NCBP3: variants seen among roughly 807,000 people sequenced by gnomAD.
The protein encoded by NCBP3 is nuclear cap binding subunit 3, also known as nuclear cap-binding protein subunit 3.
Under a neutral mutation model 75.7 loss-of-function variants are expected in NCBP3, and 20 were observed. The ratio of observed to expected loss-of-function variants is 0.26; its 90% CI spans 0.19 to 0.38. The LOEUF is 0.38. NCBP3 is among the 10% of genes least tolerant of loss of function. The pLI is 1.00. For missense variants in NCBP3, 678 were observed against 796.9 expected (o/e 0.85, Z 1.80); for synonymous variants, 293 against 290.5 (o/e 1.01, Z -0.09).
At chr17:3,823,999 A>G (rs1181086355) in intron 7 of NCBP3, 2 of 152,180 alleles carry the variant, frequency 1.3e-5, no homozygotes, top group Non-Finnish European at 2.9e-5. Context: ...ATTCTTGGAA[A>G]ACATGGGAGG....
chr17:3,830,987 C>G lies in NCBP3; in HGVS notation c.356-1619G>C, dbSNP rs2053867928. On this transcript the variant is annotated intron_variant, in intron 3 of 12. Transcript: ENST00000389005. ...AATGCAATGGTGCAATCTCGGCTCA[C>G]TGCAACCTCTGCCTCCCAGGTTCAA... Among the ~76,000 whole-genome samples, 3 of 151,576 alleles carry G rather than the reference C, an allele frequency of 2.0e-5. No homozygotes were observed. In the East Asian group the frequency reaches 5.9e-4, roughly 30 times the overall value.
Position 3,802,387 on chromosome 17 carries a change from C to T in NCBP3, c.*10657G>A, listed in dbSNP as rs1261132069. 1 of 152,182 alleles carries T rather than the reference C, an allele frequency of 6.6e-6. No individual in the cohort carries two copies. Among genetic ancestry groups the T allele is most frequent in the Non-Finnish European group, 1.5e-5 (1 of 68,034 alleles). The allele number at this position is 152,182 out of a possible 1,614,324, so 9.4% of individuals were successfully genotyped here. On this transcript the variant is annotated 3_prime_UTR_variant, in exon 13 of 13. Coordinates refer to ENST00000389005, the MANE Select transcript of NCBP3 (RefSeq NM_001114118.3). Reference sequence around the variant, plus strand: ...GTTCTGTGAAGATCCGATGACATTTCCAACACTTTGCCTTGTCTGCTTTGC... The same window carrying T: ...GTTCTGTGAAGATCCGATGACATTTTCAACACTTTGCCTTGTCTGCTTTGC...
chr17:3,833,668 G>A (rs2053924508), intron 3 of NCBP3, among the ~76,000 whole-genome samples: 2 of 151,762 alleles, frequency 1.3e-5, no homozygotes. Flanking sequence ...GACATCTGAG[G>A]CCAGAAATTT....
intron 7 of NCBP3, among the ~76,000 whole-genome samples, chr17:3,823,464 T>C (rs1305730141): frequency 6.6e-6 from 1 of 152,222 alleles, no homozygotes; most frequent in Non-Finnish European, 1.5e-5. Flanking sequence ...CAGAAGGCTC[T>C]TCCTTAGAGC....
In NCBP3 at chr17:3,806,501, G is replaced by C. The variant is rs1447991835; in HGVS notation, c.*6543C>G. ...AACTATTTACGAACCTGGTCATCCA[G>C]AGAGGGCCCCGGAATTGCTCAAATG... On this transcript the variant is annotated 3_prime_UTR_variant, in exon 13 of 13. Transcript: ENST00000389005. 1 of 152,162 alleles carries C rather than the reference G, an allele frequency of 6.6e-6. No individual in the cohort carries two copies. Among genetic ancestry groups the C allele is most frequent in the Non-Finnish European group, 1.5e-5 (1 of 68,036 alleles). The allele number at this position is 152,162 out of a possible 1,614,324, so 9.4% of individuals were successfully genotyped here.
At chr17:3,833,377 T>A (rs2053918347) in intron 3 of NCBP3, among the ~76,000 whole-genome samples, 1 of 152,204 alleles carries the variant, frequency 6.6e-6, no homozygotes, top group African/African-American at 2.4e-5. Flanking sequence ...CCCAAAGTGT[T>A]GGATTACAGG....
chr17:3,818,030 T>C lies in NCBP3; in HGVS notation c.1310+233A>G, dbSNP rs149957767. On this transcript the variant is annotated intron_variant, in intron 10 of 12. Transcript: ENST00000389005. This position sits in a 1 kb window ranked among gnomAD's most constrained non-coding sequence, Gnocchi z 4.7. ...TTATTCGCCAAATTGCTAACAGTAGTTATTGTTGAGAAAGAATGGGAATAC... is the reference window on the plus strand; with the variant it reads ...TTATTCGCCAAATTGCTAACAGTAGCTATTGTTGAGAAAGAATGGGAATAC... 2.4e-3 allele frequency among the ~76,000 whole-genome samples: 364 copies of C among 151,872 alleles called. 1 individual carries two copies. The highest frequency in any genetic ancestry group is 8.5e-3 in the African/African-American group (353 of 41,348).
chr17:3,820,365 G>A (rs561494713), intron 9 of NCBP3, among the ~76,000 whole-genome samples: 2 of 152,266 alleles, frequency 1.3e-5, no homozygotes, highest in East Asian at 3.9e-4. Flanking sequence ...GTGTGTATAT[G>A]TTATTTTGTA....
intron 11 of NCBP3, among the ~76,000 whole-genome samples, chr17:3,815,625 C>T (rs938337143): frequency 3.5e-4 from 53 of 152,184 alleles, no homozygotes; most frequent in African/African-American, 1.3e-3. Flanking sequence ...ATTCAACCAA[C>T]TGCTGATCGA....
chr17:3,818,694 A>C lies in NCBP3; in HGVS notation c.1001-122T>G, dbSNP rs1567583510. ...CCCATCCCTGACATTTTATTGGAGC[A>C]CTATCTATAATAGTGCCAAATGGAC... On this transcript the variant is annotated intron_variant, in intron 9 of 12. Coordinates refer to ENST00000389005, the MANE Select transcript of NCBP3 (RefSeq NM_001114118.3). This position sits in a 1 kb window ranked among gnomAD's most constrained non-coding sequence, Gnocchi z 4.7. 1 of 1,099,276 alleles carries C rather than the reference A, an allele frequency of 9.1e-7. No homozygotes were observed. The highest frequency in any genetic ancestry group is 2.4e-5 in the East Asian group (1 of 42,310). 68.1% of individuals were successfully genotyped at this position (1,099,276 alleles called of 1,614,324 possible). A position where few individuals can be genotyped will look rare whatever the true frequency, so the allele number is the denominator to read the frequency against.
Position 3,814,147 on chromosome 17 carries a change from C to T in NCBP3, c.1627+175G>A, listed in dbSNP as rs142529926. On this transcript the variant is annotated intron_variant, in intron 12 of 12. Coordinates refer to ENST00000389005, the MANE Select transcript of NCBP3 (RefSeq NM_001114118.3). ...TTTTCTATTTTCTAAGCGTTCCTAA[C>T]TGTTGGGATGATGCTGATGCTGATG... Among the ~76,000 whole-genome samples the T allele has an allele frequency of 1.1e-3, 175 of 152,282 alleles. 2 individuals are homozygous for T. In the East Asian group the frequency reaches 0.029, roughly 25 times the overall value.
rs2053333106 is a variant in NCBP3, at chr17:3,806,082, C to CTTACTTTTTTT, written c.*6961_*6962insAAAAAAAGTAA. On this transcript the variant is annotated 3_prime_UTR_variant, in exon 13 of 13. Transcript: ENST00000389005. ...AGGAAGGGACAGGAAGGTGAGAATC[C>CTTACTTTTTTT]TTTCTTTTTTTTTTGAGACGGAGTC... 1 of 133,092 alleles carries CTTACTTTTTTT rather than the reference C, an allele frequency of 7.5e-6. No individual in the cohort carries two copies. Among genetic ancestry groups the CTTACTTTTTTT allele is most frequent in the African/African-American group, 3.4e-5 (1 of 29,022 alleles). The allele number at this position is 133,092 out of a possible 1,614,324, so 8.2% of individuals were successfully genotyped here.
At chr17:3,843,505 A>C (rs567056506) in intron 1 of NCBP3, among the ~76,000 whole-genome samples, 16 of 152,244 alleles carry the variant, frequency 1.1e-4, no homozygotes, top group African/African-American at 3.6e-4. Flanking sequence ...AAGTGTTAGG[A>C]TCACATGTGT....
Position 3,832,446 on chromosome 17 carries a change from C to T in NCBP3, c.356-3078G>A, listed in dbSNP as rs180747236. ...CAGATCGAGACCATCCTGGCCAACA[C>T]GGTGAAACCCCGTCTCTACTAAAAA... is the stretch of plus-strand genomic sequence containing the variant. On this transcript the variant is annotated intron_variant, in intron 3 of 12. Transcript: ENST00000389005. Among the ~76,000 whole-genome samples, 469 of 117,288 alleles carry T rather than the reference C, an allele frequency of 4.0e-3. 126 individuals carry two copies. Among genetic ancestry groups the T allele is most frequent in the East Asian group, 0.014 (42 of 2,920 alleles). 76.9% of individuals were successfully genotyped at this position (117,288 alleles called of 152,430 possible).
At chr17:3,819,279 C>A (rs1250117997) in intron 9 of NCBP3, among the ~76,000 whole-genome samples, 2 of 152,060 alleles carry the variant, frequency 1.3e-5, no homozygotes, top group Non-Finnish European at 2.9e-5. Context: ...ACATATGGGC[C>A]CAGCGCGGTG....
rs925182411 is a variant in NCBP3, at chr17:3,812,907, G to A, written c.*137C>T. ...TGTCACATTCTTAAGATGTCTTGCC[G>A]AAGTAGCAAGAGCGGAGGGTGACTG... On this transcript the variant is annotated 3_prime_UTR_variant, in exon 13 of 13. Coordinates refer to ENST00000389005, the MANE Select transcript of NCBP3 (RefSeq NM_001114118.3). 1.2e-5 allele frequency: 17 copies of A among 1,476,238 alleles called. No homozygotes were observed. The highest frequency in any genetic ancestry group is 4.8e-5 in the East Asian group (2 of 41,994). 91.4% of individuals were successfully genotyped at this position (1,476,238 alleles called of 1,614,324 possible).
intron 3 of NCBP3, among the ~76,000 whole-genome samples, chr17:3,834,832 C>CAA (rs34968348): frequency 6.8e-6 from 1 of 146,536 alleles, no homozygotes; most frequent in African/African-American, 2.5e-5. Context: ...GTGGATGAAA[C>CAA]AAAAAAAAAA....
At chr17:3,837,141 CCTT>C (rs2053987201) in intron 3 of NCBP3, among the ~76,000 whole-genome samples, 2 of 145,578 alleles carry the variant, frequency 1.4e-5, no homozygotes, top group Middle Eastern at 4.2e-3. Context: ...GAGCAAGACT[CCTT>C]CTCAAAAAAA....
Position 3,816,127 on chromosome 17 carries a change from C to A in NCBP3, c.1454G>T (p.Ser485Ile). Residue 485 changes from serine to isoleucine, a missense_variant, in exon 11 of 13, where the codon AGT (serine) becomes ATT (isoleucine). Physicochemically the swap from Ser to Ile is moderately radical, Grantham distance 142 (BLOSUM62 -2). This residue lies in a region of NCBP3 where 365 missense variants were observed against 392.7 expected (regional missense o/e 0.93). Transcript: ENST00000389005. ...GTGAGGAACAGTACCTGATTTAGTA[C>A]TGCTGACTGGTGGCCGTGGACGGGA... ...QHSRPRPPVS[S>I]TKSDIRQRLG... The A allele has an allele frequency of 6.2e-7, 1 of 1,613,814 alleles. No homozygotes were observed. The highest frequency in any genetic ancestry group is 8.5e-7 in the Non-Finnish European group (1 of 1,179,842).
Sources: allele counts gnomAD v4.1 joint callset (sites outside exome capture counted in the v4.1 genomes callset), GRCh38; gene constraint gnomAD v4.1.1; regional missense constraint gnomAD v4.1.1; non-coding constraint Gnocchi (gnomAD v3.1); transcripts MANE v1.5; gene names NCBI Gene and HGNC (gene_info 2026-07-23, HGNC 2026-07-21).